The following MCFD2 variants were observed in gnomAD, a reference collection of about 807,000 sequenced individuals.
MCFD2 encodes multiple coagulation factor deficiency 2, ER cargo receptor complex subunit.
MCFD2 carries 11 observed loss-of-function variants against 12.8 expected under a neutral mutation model. The observed-to-expected ratio is 0.86, with a 90% CI of 0.54 to 1.42. The LOEUF is 1.42. Ranked by LOEUF, MCFD2 falls within the 40% of genes most tolerant of loss-of-function variation. The pLI, the probability that MCFD2 is intolerant of heterozygous loss-of-function variation, is 0.00. For missense variants in MCFD2, 191 were observed against 178.6 expected (o/e 1.07, Z -0.40); for synonymous variants, 70 against 68.1 (o/e 1.03, Z -0.14).
chr2:46,927,096 AAG>A (rs1262090292), intron 1 of MCFD2, among the ~76,000 whole-genome samples: 1 of 152,184 alleles, frequency 6.6e-6, no homozygotes, highest in Non-Finnish European at 1.5e-5. Flanking sequence ...ACAAAAGGAT[AAG>A]AGTCACAGAG....
At chr2:46,911,581 T>C (rs1668487262) in intron 1 of MCFD2, among the ~76,000 whole-genome samples, 1 of 152,108 alleles carries the variant, frequency 6.6e-6, no homozygotes, top group Non-Finnish European at 1.5e-5. Flanking sequence ...AAATGTGTAT[T>C]TCCTACACAA....
At position 46,941,364 on chromosome 2, in the gene MCFD2, G is replaced by C. The variant is rs900837523; in HGVS notation, c.-8+208C>G. On this transcript the variant is annotated intron_variant, in intron 1 of 2. Transcript: ENST00000409147. This position sits in a 1 kb window ranked among gnomAD's most constrained non-coding sequence, Gnocchi z 4.2. ...CCGGGCGGTGCGCTGGGAGCTGCTG[G>C]TGCTGCTGCTGCTGCTGCTGCCCAC... The C allele has an allele frequency of 6.0e-5, 23 of 384,148 alleles. No homozygotes were observed. The Admixed American group carries it at 6.6e-4, about 11-fold the overall frequency. The allele number at this position is 384,148 out of a possible 1,614,324, so 23.8% of individuals were successfully genotyped here.
upstream of MCFD2, chr2:46,917,256 C>T: frequency 2.9e-6 from 2 of 699,226 alleles, no homozygotes; most frequent in Middle Eastern, 2.3e-4. Context: ...CCTCCGCCTC[C>T]CAAAGTGCTG....
chr2:46,927,873 G>A (rs939507024), intron 1 of MCFD2, among the ~76,000 whole-genome samples: 2 of 135,910 alleles, frequency 1.5e-5, no homozygotes, highest in Non-Finnish European at 3.2e-5. Flanking sequence ...TAATATTGGG[G>A]TTTTTTTGGT....
chr2:46,910,324 A>G lies in MCFD2; in HGVS notation c.-6-1147T>C, dbSNP rs1668433004. On this transcript the variant is annotated intron_variant, in intron 1 of 3. Coordinates refer to ENST00000319466, the MANE Select transcript of MCFD2 (RefSeq NM_139279.6). The stretch of plus-strand genomic sequence containing the variant: ...GCTGACAGACTGACCTCAAAAAGGA[A>G]GGTGAAGGACAGCCAGGTGACCTAC... Among the ~76,000 whole-genome samples the G allele has an allele frequency of 2.6e-5, 4 of 152,164 alleles. No homozygotes were observed. In the South Asian group the frequency reaches 8.3e-4, roughly 32 times the overall value.
chr2:46,907,747 G>A lies in MCFD2; in HGVS notation c.309+63C>T. The A allele has an allele frequency of 1.3e-6, 2 of 1,554,548 alleles. No homozygotes were observed. Among genetic ancestry groups the A allele is most frequent in the South Asian group, 2.2e-5 (2 of 89,572 alleles). On this transcript the variant is annotated intron_variant, in intron 3 of 3. Transcript: ENST00000319466. The surrounding 1 kb of genome is among the most constrained non-coding windows in gnomAD (Gnocchi z 4.1). ...GGACAACACAAGTCAACAAGACTGG[G>A]GACCAAATTAACAAAGGGAAGCCTT...
intron 1 of MCFD2, among the ~76,000 whole-genome samples, chr2:46,914,414 T>A (rs1477138498): frequency 6.6e-6 from 1 of 152,220 alleles, no homozygotes; most frequent in Non-Finnish European, 1.5e-5. Context: ...CTTTGTCACT[T>A]ACCCCTGTCA....
chr2:46,939,916 A>G (rs890462001), intron 1 of MCFD2, among the ~76,000 whole-genome samples: 13 of 152,118 alleles, frequency 8.5e-5, no homozygotes, highest in Non-Finnish European at 1.8e-4. Context: ...GCTTCCCTTC[A>G]TCTACCTCCT....
rs1668357270 is a variant in MCFD2, at chr2:46,908,856, G to C, written c.149+167C>G. ...CACCTGTGATACAATGATGAAAAAA[G>C]AATACCTGACTTATAGGTGGCAATA... is the stretch of plus-strand genomic sequence containing the variant. On this transcript the variant is annotated intron_variant, in intron 2 of 3. Coordinates refer to ENST00000319466, the MANE Select transcript of MCFD2 (RefSeq NM_139279.6). The surrounding 1 kb of genome is among the most constrained non-coding windows in gnomAD (Gnocchi z 4.5). 3.4e-6 allele frequency: 3 copies of C among 878,758 alleles called. No individual in the cohort carries two copies. Among genetic ancestry groups the C allele is most frequent in the Non-Finnish European group, 5.4e-6 (3 of 554,616 alleles). The allele number at this position is 878,758 out of a possible 1,614,324, so 54.4% of individuals were successfully genotyped here. A position where few individuals can be genotyped will look rare whatever the true frequency, so the allele number is the denominator to read the frequency against.
upstream of MCFD2, chr2:46,917,291 C>T (rs897934330): frequency 4.5e-6 from 3 of 661,042 alleles, no homozygotes; most frequent in Admixed American, 2.6e-5. Context: ...AGCCACCGCG[C>T]CGGGACAAAG....
chr2:46,922,651 G>A (rs898577541), intron 1 of MCFD2, among the ~76,000 whole-genome samples: 3 of 152,018 alleles, frequency 2.0e-5, no homozygotes, highest in Non-Finnish European at 2.9e-5. Context: ...CTGAAGGTGT[G>A]AGAGGTAGAA....
At chr2:46,917,251 G>A (rs1668856762), upstream of MCFD2, 2 of 699,042 alleles carry the variant, frequency 2.9e-6, no homozygotes, top group Admixed American at 2.0e-5. Flanking sequence ...CACCACCTCC[G>A]CCTCCCAAAG....
At chr2:46,917,131 C>A (rs1435066963), upstream of MCFD2, 2 of 698,922 alleles carry the variant, frequency 2.9e-6, no homozygotes, top group Non-Finnish European at 5.2e-6. Context: ...AATCTGCCAC[C>A]CCATCCCAGA....
intron 1 of MCFD2, among the ~76,000 whole-genome samples, chr2:46,931,482 A>G (rs1347573510): frequency 2.6e-5 from 4 of 152,162 alleles, no homozygotes; most frequent in African/African-American, 9.7e-5. Context: ...CATGAGCCCA[A>G]TATAATCACA....
At position 46,907,333 on chromosome 2, in the gene MCFD2, GAA is replaced by G. The variant is rs1191713804; in HGVS notation, c.309+475_309+476del. 1 of 191,610 alleles carries G rather than the reference GAA, an allele frequency of 5.2e-6. No individual in the cohort carries two copies. Among genetic ancestry groups the G allele is most frequent in the Non-Finnish European group, 1.1e-5 (1 of 91,626 alleles). 11.9% of individuals were successfully genotyped at this position (191,610 alleles called of 1,614,324 possible). A position where few individuals can be genotyped will look rare whatever the true frequency, so the allele number is the denominator to read the frequency against. On this transcript the variant is annotated intron_variant, in intron 3 of 3. Coordinates refer to ENST00000319466, the MANE Select transcript of MCFD2 (RefSeq NM_139279.6). The surrounding 1 kb of genome is among the most constrained non-coding windows in gnomAD (Gnocchi z 4.1). ...CCTTTGCGGGAAGGATCGTTGGACA[GAA>G]AGAGGCAGAACACAGAAGAGAAAGA...
In MCFD2 at chr2:46,908,017, A is replaced by T. The variant is rs1668319800; in HGVS notation, c.150-48T>A. 1.2e-6 allele frequency: 2 copies of T among 1,607,496 alleles called. No individual in the cohort carries two copies. The highest frequency in any genetic ancestry group is 1.7e-5 in the Admixed American group (1 of 59,976). On this transcript the variant is annotated intron_variant, in intron 2 of 3. Coordinates refer to ENST00000319466, the MANE Select transcript of MCFD2 (RefSeq NM_139279.6). The surrounding 1 kb of genome is among the most constrained non-coding windows in gnomAD (Gnocchi z 4.5). ...AGGCCAATTGACAGATACTGGGATC[A>T]TGCTGAAATCTTAAGGACTCTGAAA...
In MCFD2 at chr2:46,908,815, G is replaced by C. The variant is rs1668356008; in HGVS notation, c.149+208C>G. 4.7e-6 allele frequency: 3 copies of C among 642,682 alleles called. No homozygotes were observed. The South Asian group carries it at 5.6e-5, about 12-fold the overall frequency. The allele number at this position is 642,682 out of a possible 1,614,324, so 39.8% of individuals were successfully genotyped here. On this transcript the variant is annotated intron_variant, in intron 2 of 3. Coordinates refer to ENST00000319466, the MANE Select transcript of MCFD2 (RefSeq NM_139279.6). The surrounding 1 kb of genome is among the most constrained non-coding windows in gnomAD (Gnocchi z 4.5). ...TTCAGACAAGTAATGTGCCCCATTT[G>C]GGCCTAAAGATCTTCCACCTGTGAT...
rs1572604633 is a variant in MCFD2, at chr2:46,904,836, G to T, written c.*627C>A. ...GAAGGCATGATTGGTTTTGAATAGT[G>T]AGGACATGAGATTTGGAGGGGCCAG... On this transcript the variant is annotated 3_prime_UTR_variant, in exon 4 of 4. Transcript: ENST00000319466. 6.1e-6 allele frequency: 1 copy of T among 162,782 alleles called. No homozygotes were observed. Among genetic ancestry groups the T allele is most frequent in the Non-Finnish European group, 1.4e-5 (1 of 73,926 alleles). 10.1% of individuals were successfully genotyped at this position (162,782 alleles called of 1,614,324 possible).
intron 1 of MCFD2, among the ~76,000 whole-genome samples, chr2:46,932,387 G>A (rs954416651): frequency 2.6e-5 from 4 of 152,070 alleles, no homozygotes; most frequent in African/African-American, 9.7e-5. Context: ...GACCTCATAT[G>A]ATCCTCGCAC....
Sources: allele counts gnomAD v4.1 joint callset (sites outside exome capture counted in the v4.1 genomes callset), GRCh38; gene constraint gnomAD v4.1.1; non-coding constraint Gnocchi (gnomAD v3.1); transcripts MANE v1.5; gene names NCBI Gene and HGNC (gene_info 2026-07-23, HGNC 2026-07-21).